OR5B3: variants seen among roughly 807,000 people sequenced by gnomAD.
The protein encoded by OR5B3 is olfactory receptor family 5 subfamily B member 3.
For synonymous variants in OR5B3, 150 were observed against 135.0 expected (o/e 1.11, Z -0.77); for missense variants, 430 against 375.4 (o/e 1.15, Z -1.20).
In OR5B3 at chr11:58,402,892, T is replaced by C; in HGVS notation, c.518A>G (p.His173Arg). The C allele has an allele frequency of 1.2e-6, 2 of 1,613,968 alleles. No individual in the cohort carries two copies. The highest frequency in any genetic ancestry group is 1.7e-6 in the Non-Finnish European group (2 of 1,179,868). ...TGCTGGAATATCACAGAAAAAGTGA[T>C]GGACTTCATTGGACTTACAGAAAGA... is the stretch of plus-strand genomic sequence containing the variant. Reference protein sequence around the residue: ...SLSFCKSNEVHHFFCDIPAVM... With the variant: ...SLSFCKSNEVRHFFCDIPAVM... Residue 173 changes from histidine (H) to arginine (R), a missense_variant, in exon 2 of 2, where the codon CAT (histidine) becomes CGT (arginine). By Grantham distance (29) the His-to-Arg change is conservative. Coordinates refer to ENST00000641865, the MANE Select transcript of OR5B3 (RefSeq NM_001005469.2).
At position 58,406,585 on chromosome 11, in the gene OR5B3, T is replaced by C. The variant is rs375938458; in HGVS notation, c.-27+216A>G. On this transcript the variant is annotated intron_variant, in intron 1 of 1. Coordinates refer to ENST00000641865, the MANE Select transcript of OR5B3 (RefSeq NM_001005469.2). ...AGTCAGAGCATCATCTATCTTATTT[T>C]TTGTTCATATCTTTGGAGGAAGAAG... Among the ~76,000 whole-genome samples, 21 of 152,306 alleles carry C rather than the reference T, an allele frequency of 1.4e-4. No individual in the cohort carries two copies. The East Asian group carries it at 3.7e-3, about 27-fold the overall frequency.
At position 58,402,589 on chromosome 11, in the gene OR5B3, AC is replaced by A. The variant is rs1335465855; in HGVS notation, c.820del (p.Val274CysfsTer10). 6.2e-7 allele frequency: 1 copy of A among 1,613,668 alleles called. No individual in the cohort carries two copies. Among genetic ancestry groups the A allele is most frequent in the Admixed American group, 1.7e-5 (1 of 59,964 alleles). On this transcript the variant is annotated frameshift_variant, in exon 2 of 2. Coordinates refer to ENST00000641865, the MANE Select transcript of OR5B3 (RefSeq NM_001005469.2). LOFTEE classifies it low-confidence loss of function (END_TRUNC). The part of the protein sequence containing the change: ...HSMDTDKMAP[V>X]FYTMVIPMLN... ...CATGGGGATGACCATTGTATAGAACACAGGTGCCATTTTGTCTGTGTCCATG... is the reference window on the plus strand; with the variant it reads ...CATGGGGATGACCATTGTATAGAACAAGGTGCCATTTTGTCTGTGTCCATG...
intron 1 of OR5B3, among the ~76,000 whole-genome samples, chr11:58,404,100 A>C (rs1320449509): frequency 6.6e-6 from 1 of 152,134 alleles, no homozygotes. Context: ...CAAGTAATAT[A>C]TGCTTAGTAA....
rs779154597 is a variant in OR5B3, at chr11:58,402,644, T to G, written c.766A>C (p.Met256Leu). The change falls in exon 2 of 2, where the codon ATG (methionine) becomes CTG (leucine). Residue 256 changes from methionine (M) to leucine (L), a missense_variant. Coordinates refer to ENST00000641865, the MANE Select transcript of OR5B3 (RefSeq NM_001005469.2). Reference sequence around the variant, plus strand: ...TGACTGGAGCTGGGTTGTAAGTACATGAAGATAATAGTCCCATAGAAGATG... The same window carrying G: ...TGACTGGAGCTGGGTTGTAAGTACAGGAAGATAATAGTCCCATAGAAGATG... ...VGIFYGTIIF[M>L]YLQPSSSHSM... The G allele has an allele frequency of 6.2e-7, 1 of 1,613,904 alleles. No individual in the cohort carries two copies. Among genetic ancestry groups the G allele is most frequent in the South Asian group, 1.1e-5 (1 of 91,078 alleles).
At position 58,402,497 on chromosome 11, in the gene OR5B3, T is replaced by C. The variant is rs1417674766; in HGVS notation, c.913A>G (p.Lys305Glu). 6.2e-7 allele frequency: 1 copy of C among 1,612,526 alleles called. No homozygotes were observed. The highest frequency in any genetic ancestry group is 1.1e-5 in the South Asian group (1 of 91,046). ...GACCATCCTACAGACAATTTTGCCT[T>C]CTCAACAACTTTCTTGAATGCACTC... Reference protein sequence around the residue: ...VKSAFKKVVEKAKLSVGWSV With the variant: ...VKSAFKKVVEEAKLSVGWSV Residue 305 changes from lysine to glutamate, a missense_variant, in exon 2 of 2, where the codon AAG becomes GAG. Transcript: ENST00000641865.
rs1232149833 is a variant in OR5B3, at chr11:58,403,334, A to T, written c.76T>A (p.Phe26Ile). 6 of 1,612,876 alleles carry T rather than the reference A, an allele frequency of 3.7e-6. No individual in the cohort carries two copies. Among genetic ancestry groups the T allele is most frequent in the Non-Finnish European group, 4.2e-6 (5 of 1,179,186 alleles). ...ATATAGATGAAGGGGAACGTTATAA[A>T]GAGGGGAACCTGCAGTTCTGAGTCA... ...TNDSELQVPL[F>I]ITFPFIYIIT... The change falls in exon 2 of 2, where the codon TTT becomes ATT. Residue 26 changes from phenylalanine to isoleucine, a missense_variant. Physicochemically the swap from Phe to Ile is conservative, Grantham distance 21. Transcript: ENST00000641865.
rs375734402 is a variant in OR5B3, at chr11:58,405,807, C to T, written c.-27+994G>A. The stretch of plus-strand genomic sequence containing the variant: ...ACATGTACCTGTATGATCATCAGCA[C>T]GCTATTCACAACAATGAAAGCATAG... On this transcript the variant is annotated intron_variant, in intron 1 of 1. Transcript: ENST00000641865. 3.9e-4 allele frequency among the ~76,000 whole-genome samples: 59 copies of T among 151,982 alleles called. No homozygotes were observed. The East Asian group carries it at 6.0e-3, about 16-fold the overall frequency.
intron 1 of OR5B3, 148 bp from the exon 2 acceptor site, chr11:58,403,583 G>A: frequency 2.0e-6 from 1 of 507,318 alleles, no homozygotes; most frequent in Non-Finnish European, 3.5e-6. Flanking sequence ...CAAATGCAGT[G>A]CATTAATTAT....
In OR5B3 at chr11:58,403,105, A is replaced by T; in HGVS notation, c.305T>A (p.Phe102Tyr). 6.2e-7 allele frequency: 1 copy of T among 1,614,166 alleles called. No homozygotes were observed. Among genetic ancestry groups the T allele is most frequent in the Non-Finnish European group, 8.5e-7 (1 of 1,179,980 alleles). Residue 102 changes from phenylalanine to tyrosine, a missense_variant, in exon 2 of 2, where the codon TTT becomes TAT. Phe to Tyr is a conservative substitution (Grantham distance 22, BLOSUM62 3). Transcript: ENST00000641865. ...YNACAAQMYI[F>Y]VAFATVENYL... ...ATTTTCCACAGTGGCAAAAGCTACA[A>T]AGATATACATTTGAGCAGCACATGC...
Position 58,402,515 on chromosome 11 carries a change from ATGCAC to A in OR5B3, c.890_894del (p.Ser297IlefsTer6). 1 of 1,613,466 alleles carries A rather than the reference ATGCAC, an allele frequency of 6.2e-7. No homozygotes were observed. The highest frequency in any genetic ancestry group is 8.5e-7 in the Non-Finnish European group (1 of 1,179,418). ...TTTGCCTTCTCAACAACTTTCTTGA[ATGCAC>A]TCTTCACTTCCTTGTTCCTCAGACT... On this transcript the variant is annotated frameshift_variant, in exon 2 of 2. Coordinates refer to ENST00000641865, the MANE Select transcript of OR5B3 (RefSeq NM_001005469.2). LOFTEE classifies it low-confidence loss of function (END_TRUNC).
rs936478821 is a variant in OR5B3, at chr11:58,402,614, T to C, written c.796A>G (p.Met266Val). The stretch of plus-strand genomic sequence containing the variant: ...ACAGGTGCCATTTTGTCTGTGTCCA[T>C]GGAGTGACTGGAGCTGGGTTGTAAG... ...MYLQPSSSHS[M>V]DTDKMAPVFY... is the part of the protein sequence containing the mutation. Residue 266 changes from methionine (M) to valine (V), a missense_variant, in exon 2 of 2, where the codon ATG becomes GTG. Transcript: ENST00000641865. The C allele has an allele frequency of 1.9e-6, 3 of 1,613,750 alleles. No homozygotes were observed. Among genetic ancestry groups the C allele is most frequent in the Non-Finnish European group, 2.5e-6 (3 of 1,179,866 alleles).
chr11:58,406,074 G>T (rs1855095385), intron 1 of OR5B3, among the ~76,000 whole-genome samples: 1 of 152,056 alleles, frequency 6.6e-6, no homozygotes, highest in Non-Finnish European at 1.5e-5. Flanking sequence ...GTGTTATGTT[G>T]CTAACTTTAA....
intron 1 of OR5B3, among the ~76,000 whole-genome samples, chr11:58,406,210 T>A (rs1855097971): frequency 7.5e-6 from 1 of 133,726 alleles, no homozygotes; most frequent in Admixed American, 7.2e-5. Flanking sequence ...AGAGAGAGAG[T>A]TAGATAGTAT....
At position 58,402,628 on chromosome 11, in the gene OR5B3, C is replaced by T. The variant is rs1415422934; in HGVS notation, c.782G>A (p.Ser261Asn). ...GTCTGTGTCCATGGAGTGACTGGAG[C>T]TGGGTTGTAAGTACATGAAGATAAT... ...GTIIFMYLQP[S>N]SSHSMDTDKM... The change falls in exon 2 of 2, where the codon AGC becomes AAC. Residue 261 changes from serine to asparagine, a missense_variant. Transcript: ENST00000641865. 1 of 1,613,928 alleles carries T rather than the reference C, an allele frequency of 6.2e-7. No individual in the cohort carries two copies.
At position 58,403,272 on chromosome 11, in the gene OR5B3, C is replaced by A. The variant is rs1434787152; in HGVS notation, c.138G>T (p.Leu46Phe). ...TLVGNLGIIV[L>F]IFWDSCLHNP... ...TGTGGAGACAGGAATCCCAGAATAT[C>A]AATACAATAATTCCCAGGTTTCCAA... The change falls in exon 2 of 2, where the codon TTG becomes TTT. Residue 46 changes from leucine to phenylalanine, a missense_variant. Transcript: ENST00000641865. The A allele has an allele frequency of 6.2e-7, 1 of 1,613,648 alleles. No homozygotes were observed. The highest frequency in any genetic ancestry group is 8.5e-7 in the Non-Finnish European group (1 of 1,179,656).
chr11:58,406,662 T>C (rs1448888794), intron 1 of OR5B3, 139 bp downstream of exon 1: 1 of 152,210 alleles, frequency 6.6e-6, no homozygotes. Flanking sequence ...TTATGCCCTA[T>C]GCCCACCTCA....
At chr11:58,406,259 T>A (rs1005445957) in intron 1 of OR5B3, among the ~76,000 whole-genome samples, 7 of 152,140 alleles carry the variant, frequency 4.6e-5, no homozygotes, top group African/African-American at 1.7e-4. Context: ...ATTTGAGAAG[T>A]GATATGATGC....
At position 58,402,955 on chromosome 11, in the gene OR5B3, A is replaced by G; in HGVS notation, c.455T>C (p.Leu152Pro). ...GTCCCCAGTGTGGATGGAGGCATTCAGGAAACCACAGAGGTAGGAGCCTAT... is the reference window on the plus strand; with the variant it reads ...GTCCCCAGTGTGGATGGAGGCATTCGGGAAACCACAGAGGTAGGAGCCTAT... ...LAIGSYLCGF[L>P]NASIHTGDTF... Residue 152 changes from leucine to proline, a missense_variant, in exon 2 of 2, where the codon CTG (leucine) becomes CCG (proline). Physicochemically the swap from Leu to Pro is moderately conservative, Grantham distance 98 (BLOSUM62 -3). Coordinates refer to ENST00000641865, the MANE Select transcript of OR5B3 (RefSeq NM_001005469.2). 1 of 1,614,012 alleles carries G rather than the reference A, an allele frequency of 6.2e-7. No individual in the cohort carries two copies. Among genetic ancestry groups the G allele is most frequent in the Non-Finnish European group, 8.5e-7 (1 of 1,179,926 alleles).
chr11:58,406,727 T>C (rs1327446830), intron 1 of OR5B3, 74 bp downstream of exon 1: 1 of 152,222 alleles, frequency 6.6e-6, no homozygotes, highest in African/African-American at 2.4e-5. Context: ...TAGCTTATAG[T>C]AGGTATAGCT....
Sources: gnomAD v4.1 joint callset for allele counts (sites outside exome capture counted in the v4.1 genomes callset) on GRCh38, gnomAD v4.1.1 for gene constraint, MANE v1.5 for transcripts, NCBI Gene and HGNC (gene_info 2026-07-23, HGNC 2026-07-21) for gene names.